RHOBTB3: variants seen among roughly 807,000 people sequenced by gnomAD.
The protein encoded by RHOBTB3 is rho-related BTB domain-containing protein 3.
A neutral mutation model predicts 67.2 loss-of-function variants in RHOBTB3; 47 were observed. That is an observed-to-expected ratio of 0.70 (90% CI 0.55 to 0.89). The LOEUF is 0.89. RHOBTB3 is among the 40% of genes least tolerant of loss of function. The probability of loss-of-function intolerance (pLI) is 0.00; values close to 1 mark genes in which losing one functional copy is unlikely to be tolerated. For missense variants in RHOBTB3, 631 were observed against 750.0 expected, an observed-to-expected ratio of 0.84 and a Z score of 1.85; for synonymous variants, 273 against 274.2, an observed-to-expected ratio of 1.00 and a Z score of 0.04.
chr5:95,720,979 A>G (rs1474486044), intron 1 of RHOBTB3, among the ~76,000 whole-genome samples: 1 of 152,240 alleles, frequency 6.6e-6, no homozygotes, highest in African/African-American at 2.4e-5. Context: ...GTCAGTTTCT[A>G]TGGTGGTAAA....
At chr5:95,741,208 G>T (rs1021968106) in intron 3 of RHOBTB3, among the ~76,000 whole-genome samples, 1 of 151,738 alleles carries the variant, frequency 6.6e-6, no homozygotes, top group South Asian at 2.1e-4. Context: ...GGTGCCTGTA[G>T]TCCCAGCTAT....
chr5:95,748,705 G>C (rs1486224732), intron 4 of RHOBTB3, among the ~76,000 whole-genome samples: 2 of 151,956 alleles, frequency 1.3e-5, no homozygotes, highest in Non-Finnish European at 1.5e-5. Flanking sequence ...TGATATTTTG[G>C]AATTTTTCAT....
At chr5:95,777,812 T>G (rs943217674) in intron 8 of RHOBTB3, among the ~76,000 whole-genome samples, 4 of 152,170 alleles carry the variant, frequency 2.6e-5, no homozygotes, top group Non-Finnish European at 5.9e-5. Context: ...GAAATAGGCT[T>G]AAAAATGCTT....
upstream of RHOBTB3, chr5:95,731,111 G>A (rs1755218457): frequency 4.6e-6 from 5 of 1,087,722 alleles, no homozygotes; most frequent in East Asian, 8.6e-5. Flanking sequence ...TCGGGCTGGG[G>A]CGTTGTATTT....
chr5:95,742,208 T>C (rs1485422062), intron 3 of RHOBTB3, among the ~76,000 whole-genome samples: 3 of 152,230 alleles, frequency 2.0e-5, no homozygotes, highest in African/African-American at 7.2e-5. Flanking sequence ...CGCCCTTTAA[T>C]TGGCTAGAGC....
At chr5:95,780,773 G>A (rs1177990354) in intron 9 of RHOBTB3, among the ~76,000 whole-genome samples, 1 of 152,180 alleles carries the variant, frequency 6.6e-6, no homozygotes, top group Non-Finnish European at 1.5e-5. Flanking sequence ...GTTACTTGGA[G>A]CGCTGTCTCT....
At position 95,788,847 on chromosome 5, in the gene RHOBTB3, AG is replaced by A; in HGVS notation, c.1711del (p.Asp571IlefsTer21). On this transcript the variant is annotated frameshift_variant, in exon 11 of 12. Coordinates refer to ENST00000379982, the MANE Select transcript of RHOBTB3 (RefSeq NM_014899.4). LOFTEE classifies it high-confidence loss of function. ...ATCTTCAGTCAAAAGCCTGAATTTCAGGATCTTTCAGGTAGATTGCTAATTT... is the reference window on the plus strand; with the variant it reads ...ATCTTCAGTCAAAAGCCTGAATTTCAGATCTTTCAGGTAGATTGCTAATTT... Reference protein sequence around the residue: ...YLIFSQKPEFQDLSVEERSFV... With the variant: ...YLIFSQKPEFXDLSVEERSFV... 6.5e-7 allele frequency: 1 copy of A among 1,544,166 alleles called. No homozygotes were observed. The highest frequency in any genetic ancestry group is 8.7e-7 in the Non-Finnish European group (1 of 1,148,986).
At chr5:95,755,248 C>G (rs1366744470) in intron 5 of RHOBTB3, 148 bp from the exon 6 acceptor site, 1 of 517,536 alleles carries the variant, frequency 1.9e-6, no homozygotes, top group Admixed American at 4.1e-5. Context: ...TTTTGTGCAT[C>G]AAAAAATGGT....
chr5:95,788,679 A>G, intron 10 of RHOBTB3, 83 bp from the exon 11 acceptor site: 1 of 885,116 alleles, frequency 1.1e-6, no homozygotes, highest in Non-Finnish European at 1.8e-6. Flanking sequence ...GCTCTCCGTG[A>G]TTGCTCCCAG....
intron 4 of RHOBTB3, 46 bp downstream of exon 4, chr5:95,748,533 C>G (rs1355420658): frequency 1.4e-6 from 2 of 1,455,214 alleles, no homozygotes; most frequent in East Asian, 2.4e-5. Flanking sequence ...GTCAGGTTGC[C>G]TCTTTAGGTA....
In RHOBTB3 at chr5:95,791,617, T is replaced by A. The variant is rs148029681; in HGVS notation, c.1721-1442T>A. On this transcript the variant is annotated intron_variant, in intron 11 of 11. Coordinates refer to ENST00000379982, the MANE Select transcript of RHOBTB3 (RefSeq NM_014899.4). ...ACTTATAATAGATGAGGTTAAACAG[T>A]AGATGGAGAATCAAGTAATTCTCCT... Among the ~76,000 whole-genome samples, 903 of 152,232 alleles carry A rather than the reference T, an allele frequency of 5.9e-3. 12 individuals carry two copies. Among genetic ancestry groups the A allele is most frequent in the African/African-American group, 0.021 (865 of 41,540 alleles).
At position 95,793,241 on chromosome 5, in the gene RHOBTB3, G is replaced by T; in HGVS notation, c.*67G>T. 1 of 1,065,240 alleles carries T rather than the reference G, an allele frequency of 9.4e-7. No individual in the cohort carries two copies. The highest frequency in any genetic ancestry group is 2.4e-5 in the Admixed American group (1 of 41,554). 66.0% of individuals were successfully genotyped at this position (1,065,240 alleles called of 1,614,324 possible). A position where few individuals can be genotyped will look rare whatever the true frequency, so the allele number is the denominator to read the frequency against. On this transcript the variant is annotated 3_prime_UTR_variant, in exon 12 of 12. Coordinates refer to ENST00000379982, the MANE Select transcript of RHOBTB3 (RefSeq NM_014899.4). ...AAGAATGGGATACCTCCAGGTTCCA[G>T]TAAAATTCTTCTGACCGAAACCAAT...
intron 7 of RHOBTB3, among the ~76,000 whole-genome samples, chr5:95,764,828 A>C (rs556173852): frequency 6.6e-6 from 1 of 152,244 alleles, no homozygotes; most frequent in South Asian, 2.1e-4. Context: ...TTGAGAAAAT[A>C]GTCTTTTTTG....
At chr5:95,728,032 G>C (rs1755108013), upstream of RHOBTB3, among the ~76,000 whole-genome samples, 1 of 152,224 alleles carries the variant, frequency 6.6e-6, no homozygotes, top group Admixed American at 6.5e-5. Context: ...AGAGAATGGA[G>C]AGACACACTT....
At chr5:95,754,895 A>G (rs995975188) in intron 5 of RHOBTB3, among the ~76,000 whole-genome samples, 5 of 152,178 alleles carry the variant, frequency 3.3e-5, no homozygotes, top group Non-Finnish European at 7.4e-5. Context: ...TCAGCCCTCT[A>G]CCTCTACTTC....
chr5:95,745,667 T>C (rs1744875019), intron 3 of RHOBTB3, among the ~76,000 whole-genome samples: 1 of 152,204 alleles, frequency 6.6e-6, no homozygotes, highest in African/African-American at 2.4e-5. Flanking sequence ...ATAGACAGCA[T>C]TTTATGATAA....
intron 10 of RHOBTB3, among the ~76,000 whole-genome samples, chr5:95,786,448 CCT>C (rs1269668133): frequency 3.9e-5 from 6 of 152,310 alleles, no homozygotes; most frequent in Middle Eastern, 3.4e-3. Flanking sequence ...TTTCCCCTAA[CCT>C]CTCTCAGTTC....
At chr5:95,733,337 G>A (rs1371133742) in intron 2 of RHOBTB3, among the ~76,000 whole-genome samples, 1 of 152,106 alleles carries the variant, frequency 6.6e-6, no homozygotes, top group Non-Finnish European at 1.5e-5. Context: ...GGGATCTTTC[G>A]TTGTGAAAGA....
intron 10 of RHOBTB3, among the ~76,000 whole-genome samples, chr5:95,788,328 G>A (rs1005911418): frequency 6.6e-5 from 10 of 152,242 alleles, no homozygotes; most frequent in South Asian, 6.2e-4. Flanking sequence ...GCCTTCGGCC[G>A]ATGGTGTTTC....
Sources: allele counts gnomAD v4.1 joint callset (sites outside exome capture counted in the v4.1 genomes callset), GRCh38; gene constraint gnomAD v4.1.1; transcripts MANE v1.5; gene names NCBI Gene and HGNC (gene_info 2026-07-23, HGNC 2026-07-21).